WDR7: variants seen among roughly 807,000 people sequenced by gnomAD.
The protein encoded by WDR7 is WD repeat domain 7, also known as WD repeat-containing protein 7.
In WDR7, 46 loss-of-function variants were observed where a neutral mutation model predicts 169.4. The ratio of observed to expected loss-of-function variants is 0.27; its 90% CI spans 0.21 to 0.35. The LOEUF is 0.35. WDR7 is among the 10% of genes least tolerant of loss of function. WDR7 has a pLI of 1.00. For synonymous variants in WDR7, 612 were observed against 666.8 expected, an observed-to-expected ratio of 0.92 and a Z score of 1.27; for missense variants, 1,534 against 1,859.3, an observed-to-expected ratio of 0.83 and a Z score of 3.22.
intron 21 of WDR7, among the ~76,000 whole-genome samples, chr18:56,916,057 G>C (rs2046619796): frequency 6.6e-6 from 1 of 152,168 alleles, no homozygotes; most frequent in Non-Finnish European, 1.5e-5. Context: ...ACTTCCTGCG[G>C]GTAACTGCAG....
intron 22 of WDR7, among the ~76,000 whole-genome samples, chr18:56,924,423 A>C (rs541726865): frequency 8.4e-4 from 128 of 152,294 alleles, no homozygotes; most frequent in Middle Eastern, 3.4e-3. Context: ...TATATATATT[A>C]AATACATGAT....
intron 21 of WDR7, among the ~76,000 whole-genome samples, chr18:56,901,927 A>G (rs1041255084): frequency 5.3e-5 from 8 of 152,112 alleles, no homozygotes; most frequent in East Asian, 3.9e-4. Context: ...AGGATTTACT[A>G]GTGTCTTTGT....
chr18:57,029,572 G>C lies in WDR7; in HGVS notation c.*2365G>C, dbSNP rs1368707600. On this transcript the variant is annotated 3_prime_UTR_variant, in exon 28 of 28. Coordinates refer to ENST00000254442, the MANE Select transcript of WDR7 (RefSeq NM_015285.3). Reference sequence around the variant, plus strand: ...TGGCACTGTATTTGGACCTGTCCTTGTATATGTAGAGACATATGTGGCTTC... The same window carrying C: ...TGGCACTGTATTTGGACCTGTCCTTCTATATGTAGAGACATATGTGGCTTC... 1 of 152,004 alleles carries C rather than the reference G, an allele frequency of 6.6e-6. No individual in the cohort carries two copies. The highest frequency in any genetic ancestry group is 1.5e-5 in the Non-Finnish European group (1 of 68,022). 9.4% of individuals were successfully genotyped at this position (152,004 alleles called of 1,614,324 possible). A position where few individuals can be genotyped will look rare whatever the true frequency, so the allele number is the denominator to read the frequency against.
At chr18:56,686,173 A>G (rs776500623) in intron 6 of WDR7, 141 bp downstream of exon 6, 22 of 647,948 alleles carry the variant, frequency 3.4e-5, no homozygotes, top group Non-Finnish European at 4.4e-5. Context: ...TAGGCATAGT[A>G]TGGAAGATTC....
At chr18:56,804,849 T>G (rs1262802180) in intron 19 of WDR7, among the ~76,000 whole-genome samples, 1 of 152,244 alleles carries the variant, frequency 6.6e-6, no homozygotes, top group Non-Finnish European at 1.5e-5. Context: ...ACTTTCACCA[T>G]TTTTACATAC....
intron 16 of WDR7, among the ~76,000 whole-genome samples, chr18:56,767,120 C>T (rs1047597619): frequency 2.6e-5 from 4 of 152,094 alleles, no homozygotes; most frequent in African/African-American, 9.7e-5. Flanking sequence ...ATGAATTACT[C>T]CCTATTACTG....
chr18:56,762,754 G>C (rs2043997696), intron 16 of WDR7, among the ~76,000 whole-genome samples: 1 of 151,664 alleles, frequency 6.6e-6, no homozygotes, highest in South Asian at 2.1e-4. Context: ...CTTAAATTCT[G>C]CTCTTTATTT....
rs765441690 is a variant in WDR7, at chr18:56,696,309, G to A, written c.1425G>A (p.Gln475=). The A allele has an allele frequency of 1.9e-6, 3 of 1,614,132 alleles. No homozygotes were observed. Among genetic ancestry groups the A allele is most frequent in the Admixed American group, 1.7e-5 (1 of 60,010 alleles). The part of the protein sequence containing the change: ...NKVTCLLYPH[Q]VSARYDQRYL... ...TCACATGTTTGCTATATCCTCATCA[G>A]GTCTCAGCTCGGTATGATCAAAGAT... The change falls in exon 12 of 28, where the codon CAG becomes CAA. Residue 475 remains glutamine, a synonymous_variant. Coordinates refer to ENST00000254442, the MANE Select transcript of WDR7 (RefSeq NM_015285.3).
chr18:56,663,872 A>C (rs143077868), intron 1 of WDR7, among the ~76,000 whole-genome samples: 54 of 152,278 alleles, frequency 3.5e-4, no homozygotes, highest in Non-Finnish European at 5.0e-4. Context: ...AATTAAAAAA[A>C]AACAACAACA....
chr18:56,976,195 T>C (rs2047562480), intron 26 of WDR7, among the ~76,000 whole-genome samples: 1 of 152,084 alleles, frequency 6.6e-6, no homozygotes, highest in Non-Finnish European at 1.5e-5. Context: ...TCATGACAAA[T>C]AGCAAGCAGA....
chr18:56,992,739 G>A (rs1323970479), intron 26 of WDR7, among the ~76,000 whole-genome samples: 2 of 152,174 alleles, frequency 1.3e-5, no homozygotes, highest in African/African-American at 4.8e-5. Flanking sequence ...GTCTTCCTCA[G>A]TCTTGTCCTG....
chr18:56,793,058 C>T (rs573046142), intron 19 of WDR7, among the ~76,000 whole-genome samples: 19 of 152,280 alleles, frequency 1.2e-4, no homozygotes, highest in African/African-American at 4.1e-4. Flanking sequence ...TCAGTATGTG[C>T]ATTCAATTCA....
intron 26 of WDR7, among the ~76,000 whole-genome samples, chr18:56,983,568 CACAGAGAGAGAG>C (rs1457414572): frequency 2.2e-4 from 32 of 144,974 alleles, no homozygotes; most frequent in Non-Finnish European, 2.4e-4. Flanking sequence ...CACACACACA[CACAGAGAGAGAG>C]AGAGAGAGAG....
chr18:56,881,645 C>G (rs2046109736), intron 21 of WDR7, among the ~76,000 whole-genome samples: 1 of 152,176 alleles, frequency 6.6e-6, no homozygotes, highest in East Asian at 1.9e-4. Flanking sequence ...GAGTCTCTCT[C>G]TGTCACCCAG....
At chr18:56,880,990 T>C (rs556272122) in intron 21 of WDR7, among the ~76,000 whole-genome samples, 1 of 152,326 alleles carries the variant, frequency 6.6e-6, no homozygotes, top group Admixed American at 6.5e-5. Context: ...TCACAAAATA[T>C]TCTTGTAGAA....
At chr18:56,893,761 A>G (rs2046295673) in intron 21 of WDR7, among the ~76,000 whole-genome samples, 1 of 152,132 alleles carries the variant, frequency 6.6e-6, no homozygotes, top group Non-Finnish European at 1.5e-5. Flanking sequence ...TTAGATGGAG[A>G]TGGCTCAGTG....
chr18:56,974,667 G>C (rs1220432367), intron 26 of WDR7, among the ~76,000 whole-genome samples: 8 of 152,082 alleles, frequency 5.3e-5, no homozygotes, highest in Non-Finnish European at 1.2e-4. Context: ...TAGGAGTCTT[G>C]GTTAACCCCA....
At position 56,738,892 on chromosome 18, in the gene WDR7, G is replaced by A. The variant is rs187685451; in HGVS notation, c.1989+7295G>A. 1.4e-4 allele frequency among the ~76,000 whole-genome samples: 18 copies of A among 124,394 alleles called. No homozygotes were observed. The East Asian group carries it at 1.9e-3, about 13-fold the overall frequency. The allele number at this position is 124,394 out of a possible 152,430, so 81.6% of individuals were successfully genotyped here. A position where few individuals can be genotyped will look rare whatever the true frequency, so the allele number is the denominator to read the frequency against. On this transcript the variant is annotated intron_variant, in intron 14 of 27. Coordinates refer to ENST00000254442, the MANE Select transcript of WDR7 (RefSeq NM_015285.3). ...TCCTATCTTTTAATTAAGATGTATT[G>A]AATGTTAACTCTTTTTTGGTAACTC...
chr18:57,025,065 A>T (rs992779046), intron 27 of WDR7, among the ~76,000 whole-genome samples: 1 of 152,188 alleles, frequency 6.6e-6, no homozygotes, highest in Non-Finnish European at 1.5e-5. Flanking sequence ...GAGTATTCCC[A>T]TGAGATATTC....
Sources: gnomAD v4.1 joint callset for allele counts (sites outside exome capture counted in the v4.1 genomes callset) on GRCh38, gnomAD v4.1.1 for gene constraint, MANE v1.5 for transcripts, NCBI Gene and HGNC (gene_info 2026-07-23, HGNC 2026-07-21) for gene names.